Variants in RPS6KC1 observed in about 807,000 individuals in gnomAD.
RPS6KC1 encodes inactive ribosomal protein S6 kinase delta-1.
A neutral mutation model predicts 103.8 loss-of-function variants in RPS6KC1; 54 were observed. The ratio of observed to expected loss-of-function variants is 0.52; its 90% CI spans 0.42 to 0.65. The LOEUF is 0.65. RPS6KC1 is among the 30% of genes least tolerant of loss of function. The probability of loss-of-function intolerance (pLI) is 0.00; values close to 1 mark genes in which losing one functional copy is unlikely to be tolerated. For synonymous variants in RPS6KC1, 439 were observed against 438.7 expected, an observed-to-expected ratio of 1.00 and a Z score of -0.01; for missense variants, 1,151 against 1,253.8, an observed-to-expected ratio of 0.92 and a Z score of 1.24.
At chr1:213,320,150 T>G in the RPS6KC1 span, among the ~76,000 whole-genome samples, 1 of 152,210 alleles carries the variant, frequency 6.6e-6, no homozygotes, top group Non-Finnish European at 1.5e-5. Context: ...AGAGCTAACC[T>G]GGTTGAAGAA....
At chr1:213,301,135 C>T in the RPS6KC1 span, among the ~76,000 whole-genome samples, 1 of 152,228 alleles carries the variant, frequency 6.6e-6, no homozygotes. Flanking sequence ...TTTCCATCCT[C>T]CAAATATTTG....
At chr1:213,098,379 T>C (rs577427678) in intron 3 of RPS6KC1, among the ~76,000 whole-genome samples, 1 of 151,064 alleles carries the variant, frequency 6.6e-6, no homozygotes, top group East Asian at 1.9e-4. Flanking sequence ...TGGGCTCAAC[T>C]GATCAGCCCG....
At chr1:213,650,434 C>G in the RPS6KC1 span, among the ~76,000 whole-genome samples, 1 of 152,160 alleles carries the variant, frequency 6.6e-6, no homozygotes, top group Non-Finnish European at 1.5e-5. Context: ...CCCTGCAAAG[C>G]CTTTTAACAT....
the RPS6KC1 span, among the ~76,000 whole-genome samples, chr1:213,408,281 G>A: frequency 4.6e-5 from 7 of 152,112 alleles, no homozygotes; most frequent in East Asian, 1.9e-4. Flanking sequence ...GCAGGGCCTC[G>A]CACCCCTTCA....
At chr1:213,813,749 G>T in the RPS6KC1 span, among the ~76,000 whole-genome samples, 3 of 152,164 alleles carry the variant, frequency 2.0e-5, no homozygotes, top group Non-Finnish European at 4.4e-5. Context: ...CCTTGGAAGT[G>T]GGGGAGCAGG....
At chr1:213,687,808 G>A in the RPS6KC1 span, among the ~76,000 whole-genome samples, 4 of 152,278 alleles carry the variant, frequency 2.6e-5, no homozygotes, top group East Asian at 1.9e-4. Context: ...TCTTCTGAGC[G>A]TAGAGAGAGA....
the RPS6KC1 span, among the ~76,000 whole-genome samples, chr1:213,735,281 G>A: frequency 2.0e-5 from 3 of 152,198 alleles, no homozygotes; most frequent in African/African-American, 4.8e-5. Context: ...GAGTGTCCAG[G>A]ATAGCTACTG....
rs1163779373 is a variant in RPS6KC1, at chr1:213,051,400, G to A, written c.-5G>A. On this transcript the variant is annotated 5_prime_UTR_variant, in exon 1 of 15. Coordinates refer to ENST00000366960, the MANE Select transcript of RPS6KC1 (RefSeq NM_012424.6). ...GGTGGCGGCGGCGGCAGAGGCGGCG[G>A]GAGGATGACCTCTTACCGGGAGCGG... The A allele has an allele frequency of 1.2e-6, 2 of 1,609,198 alleles. No individual in the cohort carries two copies. The highest frequency in any genetic ancestry group is 2.2e-5 in the East Asian group (1 of 44,848).
At chr1:213,402,674 C>T in the RPS6KC1 span, among the ~76,000 whole-genome samples, 2 of 152,096 alleles carry the variant, frequency 1.3e-5, no homozygotes, top group African/African-American at 4.8e-5. Context: ...ATGGCAAATA[C>T]GTATGATGTT....
downstream of RPS6KC1, among the ~76,000 whole-genome samples, chr1:213,277,942 G>A (rs1020902513): frequency 8.5e-5 from 13 of 152,162 alleles, no homozygotes; most frequent in Non-Finnish European, 2.9e-5. Flanking sequence ...AGTGGCTCAC[G>A]CCTGTAATCC....
the RPS6KC1 span, among the ~76,000 whole-genome samples, chr1:213,621,319 A>C: frequency 1.0e-3 from 152 of 151,532 alleles, 4 homozygotes; most frequent in South Asian, 0.03. Context: ...GCTGAGAAAC[A>C]GGGACCCACG....
At chr1:213,100,394 T>C (rs1033562931) in intron 3 of RPS6KC1, among the ~76,000 whole-genome samples, 10 of 152,162 alleles carry the variant, frequency 6.6e-5, no homozygotes, top group African/African-American at 1.9e-4. Flanking sequence ...CATGTGTTAA[T>C]GGTCTCTTAA....
chr1:213,380,735 C>T, the RPS6KC1 span, among the ~76,000 whole-genome samples: 2 of 152,142 alleles, frequency 1.3e-5, no homozygotes, highest in South Asian at 2.1e-4. Context: ...AAATGTGCTG[C>T]GGGGTGAAAG....
At chr1:213,085,948 A>G (rs2080356912) in intron 3 of RPS6KC1, among the ~76,000 whole-genome samples, 1 of 151,012 alleles carries the variant, frequency 6.6e-6, no homozygotes, top group Non-Finnish European at 1.5e-5. Context: ...AGCACTTGTT[A>G]TTTTTAGGCA....
At chr1:213,070,705 G>A (rs1228373162) in intron 1 of RPS6KC1, among the ~76,000 whole-genome samples, 1 of 152,142 alleles carries the variant, frequency 6.6e-6, no homozygotes, top group Non-Finnish European at 1.5e-5. Flanking sequence ...CGCCAGAGTA[G>A]GTTACAGTCT....
chr1:213,139,194 T>C (rs776384515), intron 6 of RPS6KC1, among the ~76,000 whole-genome samples: 1 of 152,124 alleles, frequency 6.6e-6, no homozygotes, highest in Non-Finnish European at 1.5e-5. Context: ...CATTTTTTAA[T>C]GGGGTTGTTT....
chr1:213,218,343 A>G (rs1396019206), intron 8 of RPS6KC1, among the ~76,000 whole-genome samples: 2 of 152,138 alleles, frequency 1.3e-5, no homozygotes, highest in Admixed American at 6.5e-5. Flanking sequence ...AAGGAGAACT[A>G]CAAACCACTG....
chr1:213,840,284 A>G, the RPS6KC1 span: 2 of 152,260 alleles, frequency 1.3e-5, no homozygotes, highest in East Asian at 1.9e-4. Context: ...TTTACCACTT[A>G]TCAGTTTCCC....
the RPS6KC1 span, among the ~76,000 whole-genome samples, chr1:213,447,405 A>G: frequency 6.6e-6 from 1 of 152,206 alleles, no homozygotes; most frequent in South Asian, 2.1e-4. Flanking sequence ...TTTCATATGT[A>G]ACTTAAAACT....
Sources: gnomAD v4.1 joint callset for allele counts (sites outside exome capture counted in the v4.1 genomes callset) on GRCh38, gnomAD v4.1.1 for gene constraint, MANE v1.5 for transcripts, NCBI Gene and HGNC (gene_info 2026-07-23, HGNC 2026-07-21) for gene names.